UBR4: variants seen among roughly 807,000 people sequenced by gnomAD.
UBR4 encodes the protein E3 ubiquitin-protein ligase UBR4.
UBR4 carries 124 observed loss-of-function variants against 575.6 expected under a neutral mutation model. The observed-to-expected ratio is 0.22, with a 90% CI of 0.19 to 0.25. The LOEUF (loss-of-function observed/expected upper bound fraction) is 0.25. Ranked by LOEUF, UBR4 falls within the 10% of genes least tolerant of loss-of-function variation. UBR4 has a pLI of 1.00. For missense variants in UBR4, 4,818 were observed against 6,478.8 expected, an observed-to-expected ratio of 0.74 and a Z score of 8.80; for synonymous variants, 2,455 against 2,473.7, an observed-to-expected ratio of 0.99 and a Z score of 0.22.
chr1:19,210,216 T>C lies in UBR4; in HGVS notation c.33A>G (p.Ala11=). The change falls in exon 1 of 106, where the codon GCA becomes GCG. Residue 11 remains alanine, a synonymous_variant. Transcript: ENST00000375254. The part of the protein sequence containing the change: MATSGGEEAA[A]AAPAPGTPAT... Reference sequence around the variant, plus strand: ...CCGGGGTCCCCGGCGCCGGAGCCGCTGCCGCCGCCTCTTCGCCGCCGCTCG... The same window carrying C: ...CCGGGGTCCCCGGCGCCGGAGCCGCCGCCGCCGCCTCTTCGCCGCCGCTCG... 1 of 1,441,098 alleles carries C rather than the reference T, an allele frequency of 6.9e-7. No individual in the cohort carries two copies. The highest frequency in any genetic ancestry group is 9.1e-7 in the Non-Finnish European group (1 of 1,100,064). The allele number at this position is 1,441,098 out of a possible 1,614,324, so 89.3% of individuals were successfully genotyped here. A position where few individuals can be genotyped will look rare whatever the true frequency, so the allele number is the denominator to read the frequency against.
chr1:19,190,312 A>AAAAAAATATATATATATATAT, intron 11 of UBR4, among the ~76,000 whole-genome samples: 87 of 79,802 alleles, frequency 1.1e-3, no homozygotes, highest in African/African-American at 3.7e-3. Flanking sequence ...AAAAAAAAAA[A>AAAAAAATATATATATATATAT]ATATATATAT....
At chr1:19,205,852 G>A (rs946220992) in intron 1 of UBR4, among the ~76,000 whole-genome samples, 1 of 152,100 alleles carries the variant, frequency 6.6e-6, no homozygotes, top group African/African-American at 2.4e-5. Flanking sequence ...CAGAAACCTC[G>A]AACAGGTTTA....
rs752974432 is a variant in UBR4 at position 19,119,547 on chromosome 1, C to T, written c.10455+10G>A. ...CAAGTTGGCCCCTCTGACCATAAAG[C>T]AACTGTTACCTTCTTCTCTGTTTGT... is the stretch of plus-strand genomic sequence containing the variant. On this transcript the variant is annotated intron_variant, in intron 70 of 105. Coordinates refer to ENST00000375254, the MANE Select transcript of UBR4 (RefSeq NM_020765.3). The T allele has an allele frequency of 6.2e-7, 1 of 1,608,786 alleles. No homozygotes were observed.
chr1:19,097,911 T>C (rs2078215874), intron 90 of UBR4, among the ~76,000 whole-genome samples: 1 of 152,244 alleles, frequency 6.6e-6, no homozygotes, highest in South Asian at 2.1e-4. Context: ...CTGACTAGAA[T>C]GATAAGAATC....
At chr1:19,149,928 A>C in intron 49 of UBR4, 1 of 537,544 alleles carries the variant, frequency 1.9e-6, no homozygotes, top group Non-Finnish European at 2.9e-6. Flanking sequence ...GGGAGGGAGG[A>C]GGCTGGTGGT....
At chr1:19,144,711 G>T in intron 54 of UBR4, 75 bp downstream of exon 54, 2 of 1,544,794 alleles carry the variant, frequency 1.3e-6, no homozygotes, top group Non-Finnish European at 1.8e-6. Context: ...TATTTCATTA[G>T]CTTAGCAAGC....
At chr1:19,171,276 T>C (rs1007400119) in intron 25 of UBR4, among the ~76,000 whole-genome samples, 3 of 152,202 alleles carry the variant, frequency 2.0e-5, no homozygotes, top group African/African-American at 7.2e-5. Flanking sequence ...CGTTAACAGC[T>C]CAGTGTGGAA....
chr1:19,148,378 C>T (rs1191359461), intron 50 of UBR4, among the ~76,000 whole-genome samples, 185 bp downstream of exon 50: 7 of 152,152 alleles, frequency 4.6e-5, no homozygotes, highest in African/African-American at 9.7e-5. Context: ...CTGTGACACA[C>T]GCTCACTATG....
At chr1:19,113,072 T>G in intron 77 of UBR4, 1 of 562,724 alleles carries the variant, frequency 1.8e-6, no homozygotes, top group Non-Finnish European at 3.0e-6. Flanking sequence ...CCAAGATAAG[T>G]GGCAGAGTCA....
At chr1:19,104,940 A>G (rs773694068) in intron 85 of UBR4, 108 bp downstream of exon 85, 34 of 1,490,244 alleles carry the variant, frequency 2.3e-5, no homozygotes, top group Non-Finnish European at 2.9e-5. Flanking sequence ...CCTTCAACAA[A>G]TATTTCTTCT....
Position 19,106,608 on chromosome 1 carries a change from G to T in UBR4, c.12354C>A (p.Pro4118=). The stretch of plus-strand genomic sequence containing the variant: ...TGTTATGCCCCAGTTTGAGATCCAA[G>T]GGGGAGGTCCTCTTCCCCCGACGAC... ...FLSRRGKRTS[P]LDLKLGHNNW... Residue 4118 remains proline, a synonymous_variant, in exon 83 of 106, where the codon CCC becomes CCA. Transcript: ENST00000375254. 1 of 1,594,336 alleles carries T rather than the reference G, an allele frequency of 6.3e-7. No individual in the cohort carries two copies. The highest frequency in any genetic ancestry group is 1.3e-5 in the African/African-American group (1 of 74,252).
intron 75 of UBR4, 54 bp from the exon 76 acceptor site, chr1:19,114,124 C>T: frequency 6.3e-7 from 1 of 1,585,038 alleles, no homozygotes; most frequent in Admixed American, 1.7e-5. Context: ...ATGACTTTCC[C>T]TGAGTAATCC....
Position 19,105,095 on chromosome 1 carries a change from A to G in UBR4, c.12598T>C (p.Leu4200=). The stretch of plus-strand genomic sequence containing the variant: ...TAGGGTAGGACTCCCCGAGCTGCCA[A>G]GTAGACTTTCCAGTGCGCAGAAGTG... The part of the protein sequence containing the change: ...LITSAHWKVY[L]AARGVLPYVG... Residue 4200 remains leucine, a synonymous_variant, in exon 85 of 106, where the codon TTG becomes CTG. Coordinates refer to ENST00000375254, the MANE Select transcript of UBR4 (RefSeq NM_020765.3). 1 of 1,614,142 alleles carries G rather than the reference A, an allele frequency of 6.2e-7. No individual in the cohort carries two copies. Among genetic ancestry groups the G allele is most frequent in the Non-Finnish European group, 8.5e-7 (1 of 1,180,010 alleles).
Position 19,171,814 on chromosome 1 carries a change from C to T in UBR4, c.3522-931G>A, listed in dbSNP as rs532008806. ...GAGATGAGATCGCACCACTGCACTC[C>T]GGCCTGGGTGACACAGTGAGATTCC... On this transcript the variant is annotated intron_variant, in intron 25 of 105. Coordinates refer to ENST00000375254, the MANE Select transcript of UBR4 (RefSeq NM_020765.3). 1.4e-4 allele frequency among the ~76,000 whole-genome samples: 22 copies of T among 152,276 alleles called. No individual in the cohort carries two copies. The South Asian group carries it at 1.5e-3, about 10-fold the overall frequency.
chr1:19,110,531 A>C lies in UBR4; in HGVS notation c.11893-67T>G. ...TCCGGTCCAGCGACTCTTAACTATTAATACAATTTCTGGTCCTAGGTGGCT... is the reference window on the plus strand; with the variant it reads ...TCCGGTCCAGCGACTCTTAACTATTCATACAATTTCTGGTCCTAGGTGGCT... On this transcript the variant is annotated intron_variant, in intron 79 of 105. Transcript: ENST00000375254. This position sits in a 1 kb window ranked among gnomAD's most constrained non-coding sequence, Gnocchi z 4.5. 6.5e-7 allele frequency: 1 copy of C among 1,529,812 alleles called. No individual in the cohort carries two copies. Among genetic ancestry groups the C allele is most frequent in the South Asian group, 1.2e-5 (1 of 86,746 alleles). 94.8% of individuals were successfully genotyped at this position (1,529,812 alleles called of 1,614,324 possible).
At position 19,160,077 on chromosome 1, in the gene UBR4, C is replaced by T. The variant is rs773885686; in HGVS notation, c.5577+34G>A. ...ATCTCAATAAATTTGTTGGTTCCCA[C>T]AGCCACCAAACATCATGGCCCCAAG... On this transcript the variant is annotated intron_variant, in intron 39 of 105. Transcript: ENST00000375254. 6 of 1,593,970 alleles carry T rather than the reference C, an allele frequency of 3.8e-6. No individual in the cohort carries two copies. The Admixed American group carries it at 7.0e-5, about 19-fold the overall frequency.
Position 19,104,270 on chromosome 1 carries a change from G to A in UBR4, c.12728-13C>T. The A allele has an allele frequency of 1.9e-6, 3 of 1,613,218 alleles. No individual in the cohort carries two copies. The highest frequency in any genetic ancestry group is 1.3e-5 in the African/African-American group (1 of 75,018). On this transcript the variant is annotated splice_polypyrimidine_tract_variant and intron_variant, in intron 86 of 105. Coordinates refer to ENST00000375254, the MANE Select transcript of UBR4 (RefSeq NM_020765.3). ...GAGGAGAGAAGGCCTGTGGAGACAG[G>A]AAAATGTTGCTGTGAGAGCTCTGGA...
At chr1:19,129,209 T>TAA in intron 60 of UBR4, 135 bp from the exon 61 acceptor site, 55 of 543,368 alleles carry the variant, frequency 1.0e-4, no homozygotes, top group South Asian at 1.6e-4. Context: ...TCTCCAGCAT[T>TAA]AAAAAAAAAA....
chr1:19,176,734 A>G lies in UBR4; in HGVS notation c.2638-7T>C. On this transcript the variant is annotated splice_polypyrimidine_tract_variant and splice_region_variant and intron_variant, in intron 19 of 105. Coordinates refer to ENST00000375254, the MANE Select transcript of UBR4 (RefSeq NM_020765.3). The stretch of plus-strand genomic sequence containing the variant: ...TTAGCAGGTTATGCTGTACCTTTTA[A>G]AACACAAATACTGAAATTAAGAAAG... 1 of 1,612,424 alleles carries G rather than the reference A, an allele frequency of 6.2e-7. No individual in the cohort carries two copies. The highest frequency in any genetic ancestry group is 8.5e-7 in the Non-Finnish European group (1 of 1,179,140).
Sources: allele counts gnomAD v4.1 joint callset (sites outside exome capture counted in the v4.1 genomes callset), GRCh38; gene constraint gnomAD v4.1.1; non-coding constraint Gnocchi (gnomAD v3.1); transcripts MANE v1.5; gene names NCBI Gene and HGNC (gene_info 2026-07-23, HGNC 2026-07-21).